PIEZO2: variants seen among roughly 807,000 people sequenced by gnomAD.
PIEZO2 encodes piezo-type mechanosensitive ion channel component 2.
In PIEZO2, 172 loss-of-function variants were observed where a neutral mutation model predicts 337.3. The observed-to-expected ratio is 0.51, with a 90% confidence interval of 0.45 to 0.58. PIEZO2 has a LOEUF of 0.58. PIEZO2 is among the 20% of genes least tolerant of loss of function. PIEZO2 has a pLI of 0.00. For synonymous variants in PIEZO2, 1,251 were observed against 1,228.5 expected (o/e 1.02, Z -0.38); for missense variants, 3,028 against 3,391.3 (o/e 0.89, Z 2.66).
chr18:10,958,541 C>G (rs1011221224), intron 3 of PIEZO2, among the ~76,000 whole-genome samples: 20 of 152,258 alleles, frequency 1.3e-4, no homozygotes, highest in African/African-American at 4.6e-4. Flanking sequence ...AGATTATTAA[C>G]ATTTTTACCA....
In PIEZO2 at chr18:11,070,822, T is replaced by C. The variant is rs2038315788; in HGVS notation, c.65-4600A>G. 6.6e-6 allele frequency among the ~76,000 whole-genome samples: 1 copy of C among 152,092 alleles called. No homozygotes were observed. Among genetic ancestry groups the C allele is most frequent in the Non-Finnish European group, 1.5e-5 (1 of 68,010 alleles). ...ACAGACTGGGCCTAAGTGCTCCTGGTCACAGAAGTGCTGGGCATCAGGGAC... is the reference window on the plus strand; with the variant it reads ...ACAGACTGGGCCTAAGTGCTCCTGGCCACAGAAGTGCTGGGCATCAGGGAC... On this transcript the variant is annotated intron_variant, in intron 1 of 55. Transcript: ENST00000674853. The surrounding 1 kb of genome is among the most constrained non-coding windows in gnomAD (Gnocchi z 4.3).
At chr18:10,758,250 C>T (rs2037969084) in intron 26 of PIEZO2, 116 bp from the exon 27 acceptor site, 1 of 1,198,856 alleles carries the variant, frequency 8.3e-7, no homozygotes, top group Non-Finnish European at 1.1e-6. Context: ...GAGTTGTGTT[C>T]CCAAAGTTCA....
At chr18:10,848,043 G>A (rs1238193978) in intron 7 of PIEZO2, among the ~76,000 whole-genome samples, 2 of 152,142 alleles carry the variant, frequency 1.3e-5, no homozygotes, top group Non-Finnish European at 2.9e-5. Context: ...TGCTGTTTCT[G>A]TTTATGAAAC....
chr18:11,139,816 A>G (rs1299728836), intron 1 of PIEZO2, among the ~76,000 whole-genome samples: 1 of 152,160 alleles, frequency 6.6e-6, no homozygotes, highest in African/African-American at 2.4e-5. Context: ...TTCTTTTGGT[A>G]TGTCAAGATA....
intron 2 of PIEZO2, among the ~76,000 whole-genome samples, chr18:10,990,032 G>T: frequency 6.6e-6 from 1 of 151,976 alleles, no homozygotes; most frequent in African/African-American, 2.4e-5. Context: ...CAGGGAATTG[G>T]AGATATACTA....
intron 7 of PIEZO2, among the ~76,000 whole-genome samples, chr18:10,845,751 C>T (rs912843453): frequency 6.6e-5 from 10 of 152,188 alleles, no homozygotes; most frequent in African/African-American, 2.4e-4. Context: ...TGAATAGAAA[C>T]TGAAGTCTCT....
Position 11,016,129 on chromosome 18 carries a change from T to A in PIEZO2, c.161-36469A>T, listed in dbSNP as rs1055046569. On this transcript the variant is annotated intron_variant, in intron 2 of 55. Transcript: ENST00000674853. This position sits in a 1 kb window ranked among gnomAD's most constrained non-coding sequence, Gnocchi z 5.6. ...AACAGCAGGACCTCTTATTAACCTC[T>A]GTTAATACCTCAATTTAGCAAATGT... Among the ~76,000 whole-genome samples the A allele has an allele frequency of 6.6e-6, 1 of 152,166 alleles. No individual in the cohort carries two copies. The highest frequency in any genetic ancestry group is 6.5e-5 in the Admixed American group (1 of 15,282).
In PIEZO2 at chr18:10,828,680, G is replaced by A. The variant is rs2040752786; in HGVS notation, c.918-21406C>T. Among the ~76,000 whole-genome samples the A allele has an allele frequency of 6.6e-6, 1 of 152,106 alleles. No individual in the cohort carries two copies. Among genetic ancestry groups the A allele is most frequent in the South Asian group, 2.1e-4 (1 of 4,816 alleles). On this transcript the variant is annotated intron_variant, in intron 7 of 55. Coordinates refer to ENST00000674853, the MANE Select transcript of PIEZO2 (RefSeq NM_001378183.1). This position sits in a 1 kb window ranked among gnomAD's most constrained non-coding sequence, Gnocchi z 4.1. ...TAGCACCATGCGGGTGGCAATACTG[G>A]TCATATGTTCAGAGGAACTCTACTG...
chr18:10,855,516 C>T lies in PIEZO2; in HGVS notation c.754G>A (p.Gly252Ser). 6.5e-7 allele frequency: 1 copy of T among 1,536,556 alleles called. No individual in the cohort carries two copies. The highest frequency in any genetic ancestry group is 8.7e-7 in the Non-Finnish European group (1 of 1,146,748). The change falls in exon 7 of 56, where the codon GGT becomes AGT. Residue 252 changes from glycine (G) to serine (S), a missense_variant. Physicochemically the swap from Gly to Ser is moderately conservative, Grantham distance 56. Transcript: ENST00000674853. This position sits in a 1 kb window ranked among gnomAD's most constrained non-coding sequence, Gnocchi z 4.9. ...CACCAGGACCACCAGGTGCACAGAC[C>T]CAAAAATACAAAAAAATACACAGAT... The part of the protein sequence containing the change: ...TSSVYFFVFL[G>S]LCTWWSWCRT...
At chr18:10,930,787 A>T (rs149301812) in intron 3 of PIEZO2, among the ~76,000 whole-genome samples, 2 of 152,232 alleles carry the variant, frequency 1.3e-5, no homozygotes, top group African/African-American at 2.4e-5. Flanking sequence ...TATTAAAGAT[A>T]AATTTTTTTG....
chr18:10,843,945 G>A (rs1006640599), intron 7 of PIEZO2, among the ~76,000 whole-genome samples: 5 of 152,210 alleles, frequency 3.3e-5, no homozygotes, highest in South Asian at 2.1e-4. Context: ...GGTTTACCAC[G>A]AAGTTGTTCT....
At chr18:10,704,171 C>T (rs1056278636) in intron 42 of PIEZO2, 9 of 589,910 alleles carry the variant, frequency 1.5e-5, no homozygotes, top group Admixed American at 6.1e-5. Flanking sequence ...ACCCGCCGTG[C>T]GTGAGGTGTG....
Position 10,807,048 on chromosome 18 carries a change from T to A in PIEZO2, c.1080+64A>T, listed in dbSNP as rs969623325. 2.8e-6 allele frequency: 4 copies of A among 1,433,530 alleles called. No individual in the cohort carries two copies. The African/African-American group carries it at 5.6e-5, about 20-fold the overall frequency. The allele number at this position is 1,433,530 out of a possible 1,614,324, so 88.8% of individuals were successfully genotyped here. On this transcript the variant is annotated intron_variant, in intron 8 of 55. Coordinates refer to ENST00000674853, the MANE Select transcript of PIEZO2 (RefSeq NM_001378183.1). Reference sequence around the variant, plus strand: ...TTAGTCAGTAGAGAACAGGAGTGAATCATTTCACGTGGAGATTCTAGGTTA... The same window carrying A: ...TTAGTCAGTAGAGAACAGGAGTGAAACATTTCACGTGGAGATTCTAGGTTA...
At position 10,863,858 on chromosome 18, in the gene PIEZO2, A is replaced by T. The variant is rs2041938296; in HGVS notation, c.493-6647T>A. Reference sequence around the variant, plus strand: ...AATCACTTAATGGAACACAATCAAAACAAATCAGCAGTCACACACACACAC... The same window carrying T: ...AATCACTTAATGGAACACAATCAAATCAAATCAGCAGTCACACACACACAC... On this transcript the variant is annotated intron_variant, in intron 5 of 55. Transcript: ENST00000674853. The surrounding 1 kb of genome is among the most constrained non-coding windows in gnomAD (Gnocchi z 4.3). 6.6e-6 allele frequency among the ~76,000 whole-genome samples: 1 copy of T among 152,170 alleles called. No individual in the cohort carries two copies. The highest frequency in any genetic ancestry group is 2.4e-5 in the African/African-American group (1 of 41,446).
rs551217420 is a variant in PIEZO2, at chr18:11,003,375, C to G, written c.161-23715G>C. Among the ~76,000 whole-genome samples, 204 of 152,264 alleles carry G rather than the reference C, an allele frequency of 1.3e-3. No homozygotes were observed. Among genetic ancestry groups the G allele is most frequent in the Admixed American group, 2.3e-3 (35 of 15,288 alleles). ...TAAGCAAAACGATGTATAGCAAAAACAATTAAACCATAGTCGAGTTGATCT... is the reference window on the plus strand; with the variant it reads ...TAAGCAAAACGATGTATAGCAAAAAGAATTAAACCATAGTCGAGTTGATCT... On this transcript the variant is annotated intron_variant, in intron 2 of 55. Transcript: ENST00000674853. The surrounding 1 kb of genome is among the most constrained non-coding windows in gnomAD (Gnocchi z 4.6).
intron 1 of PIEZO2, among the ~76,000 whole-genome samples, chr18:11,090,775 G>A (rs1345686313): frequency 1.3e-5 from 2 of 152,016 alleles, no homozygotes; most frequent in South Asian, 2.1e-4. Flanking sequence ...AGCTGGGCGT[G>A]GTGGCGGGCG....
intron 1 of PIEZO2, among the ~76,000 whole-genome samples, chr18:11,134,575 T>A (rs2040429891): frequency 6.6e-6 from 1 of 152,132 alleles, no homozygotes; most frequent in Non-Finnish European, 1.5e-5. Flanking sequence ...AGTCTAGAAT[T>A]TTTCAATGTG....
intron 7 of PIEZO2, among the ~76,000 whole-genome samples, chr18:10,820,276 T>C (rs2040483700): frequency 6.6e-6 from 1 of 152,078 alleles, no homozygotes; most frequent in Non-Finnish European, 1.5e-5. Flanking sequence ...TATGCCCACA[T>C]CTTTCTCCAG....
chr18:11,122,669 A>G (rs1323641931), intron 1 of PIEZO2, among the ~76,000 whole-genome samples: 1 of 152,176 alleles, frequency 6.6e-6, no homozygotes, highest in African/African-American at 2.4e-5. Context: ...CATTAGTAAC[A>G]TTATTGAGGA....
Sources: gnomAD v4.1 joint callset for allele counts (sites outside exome capture counted in the v4.1 genomes callset) on GRCh38, gnomAD v4.1.1 for gene constraint, Gnocchi (gnomAD v3.1) non-coding constraint, MANE v1.5 for transcripts, NCBI Gene and HGNC (gene_info 2026-07-23, HGNC 2026-07-21) for gene names.